The following NPAS2 variants were observed in gnomAD, a reference collection of about 807,000 sequenced individuals.
NPAS2 encodes neuronal PAS domain-containing protein 2.
A neutral mutation model predicts 107.5 loss-of-function variants in NPAS2; 23 were observed. That is an observed-to-expected ratio of 0.21 (90% CI 0.15 to 0.30). The LOEUF (loss-of-function observed/expected upper bound fraction) is 0.30, where lower values mean the gene tolerates loss of function less well. NPAS2 is among the 10% of genes least tolerant of loss of function. The pLI, the probability that NPAS2 is intolerant of heterozygous loss-of-function variation, is 1.00. For synonymous variants in NPAS2, 403 were observed against 417.5 expected (o/e 0.97, Z 0.42); for missense variants, 756 against 1,043.3 (o/e 0.72, Z 3.79).
At position 100,993,480 on chromosome 2, in the gene NPAS2, C is replaced by T; in HGVS notation, c.2245C>T (p.Leu749=). ...PSFPASQPSP[L]QPAQARQQPP... ...CTTCCCTGCCTCCCAACCATCGCCC[C>T]TGCAGCCTGCACAGGCCCGGCAGCA... is the stretch of plus-strand genomic sequence containing the variant. The change falls in exon 20 of 21, where the codon CTG becomes TTG. Residue 749 remains leucine (L), a synonymous_variant. Transcript: ENST00000335681. 1 of 1,607,862 alleles carries T rather than the reference C, an allele frequency of 6.2e-7. No individual in the cohort carries two copies. The highest frequency in any genetic ancestry group is 1.1e-5 in the South Asian group (1 of 90,576).
At chr2:100,982,156 G>T in intron 15 of NPAS2, 75 bp from the exon 16 acceptor site, 1 of 1,550,622 alleles carries the variant, frequency 6.4e-7, no homozygotes, top group Non-Finnish European at 8.8e-7. Flanking sequence ...TGTACAGACC[G>T]AGCAGCAGCA....
chr2:100,966,750 C>G (rs1428789793), intron 10 of NPAS2, among the ~76,000 whole-genome samples: 1 of 152,010 alleles, frequency 6.6e-6, no homozygotes, highest in Non-Finnish European at 1.5e-5. Context: ...TGTGTGCCAC[C>G]ACGCCCAGCT....
In NPAS2 at chr2:100,990,848, T is replaced by C; in HGVS notation, c.2087T>C (p.Val696Ala). Residue 696 changes from valine (V) to alanine (A), a missense_variant, in exon 19 of 21, where the codon GTC (valine) becomes GCC (alanine). Around this residue, in one of 4 missense-constraint regions of NPAS2, gnomAD observed 496 missense variants for 594.4 expected, o/e 0.83. Coordinates refer to ENST00000335681, the MANE Select transcript of NPAS2 (RefSeq NM_002518.4). Reference sequence around the variant, plus strand: ...TGTGACGCAAGGCAGCCCTCGGAAGTCAGCAGGACGGGACGGCAAGTCAAG... The same window carrying C: ...TGTGACGCAAGGCAGCCCTCGGAAGCCAGCAGGACGGGACGGCAAGTCAAG... The part of the protein sequence containing the change: ...GSCDARQPSE[V>A]SRTGRQVKYA... The C allele has an allele frequency of 1.2e-6, 2 of 1,614,038 alleles. No homozygotes were observed. The highest frequency in any genetic ancestry group is 1.7e-6 in the Non-Finnish European group (2 of 1,179,986).
chr2:100,826,152 T>C lies in NPAS2; in HGVS notation c.-23+5738T>C, dbSNP rs139149692. Among the ~76,000 whole-genome samples, 465 of 152,294 alleles carry C rather than the reference T, an allele frequency of 3.1e-3. 2 individuals carry two copies. The highest frequency in any genetic ancestry group is 0.017 in the Middle Eastern group (5 of 294). ...ATATACACACACATATGTACACTTT[T>C]AAAAACTAAGGCCGGGTGCACTGAC... On this transcript the variant is annotated intron_variant, in intron 1 of 20. Coordinates refer to ENST00000335681, the MANE Select transcript of NPAS2 (RefSeq NM_002518.4).
intron 3 of NPAS2, among the ~76,000 whole-genome samples, chr2:100,929,542 A>AG (rs894426990): frequency 1.1e-4 from 17 of 152,214 alleles, no homozygotes; most frequent in Non-Finnish European, 2.1e-4. Flanking sequence ...CATGATCTCT[A>AG]GGGGTGGGAC....
chr2:100,893,340 A>T (rs1225822155), intron 1 of NPAS2, among the ~76,000 whole-genome samples: 1 of 152,186 alleles, frequency 6.6e-6, no homozygotes, highest in African/African-American at 2.4e-5. Context: ...AATTGGGGAG[A>T]TGTGTGTGCT....
intron 4 of NPAS2, chr2:100,934,960 T>C: frequency 9.1e-6 from 9 of 985,386 alleles, no homozygotes; most frequent in Non-Finnish European, 1.1e-5. Flanking sequence ...ACCCATCATG[T>C]CCCTAGGGAA....
intron 1 of NPAS2, among the ~76,000 whole-genome samples, chr2:100,887,580 G>A (rs1680782520): frequency 6.6e-6 from 1 of 152,222 alleles, no homozygotes; most frequent in South Asian, 2.1e-4. Flanking sequence ...GCCTGTGCAA[G>A]TATCACAGCA....
intron 1 of NPAS2, among the ~76,000 whole-genome samples, chr2:100,885,188 G>A (rs944975300): frequency 2.0e-5 from 3 of 152,104 alleles, no homozygotes; most frequent in Non-Finnish European, 4.4e-5. Flanking sequence ...CTGACCTCAT[G>A]ATCCGCCTGC....
intron 6 of NPAS2, 129 bp from the exon 7 acceptor site, chr2:100,949,238 G>T: frequency 1.5e-6 from 1 of 668,898 alleles, no homozygotes. Context: ...AAAGTCAGTC[G>T]TAGTGAGAGA....
At chr2:100,987,244 TG>T (rs1411638920) in intron 16 of NPAS2, 2 of 152,260 alleles carry the variant, frequency 1.3e-5, no homozygotes, top group Non-Finnish European at 2.9e-5. Context: ...CGTAAACAAC[TG>T]TTTTAAATCA....
At chr2:100,936,967 G>A (rs1271202804) in intron 4 of NPAS2, among the ~76,000 whole-genome samples, 2 of 125,442 alleles carry the variant, frequency 1.6e-5, no homozygotes, top group Non-Finnish European at 3.2e-5. Flanking sequence ...GGGTGACAGT[G>A]AGACTCCATC....
intron 1 of NPAS2, among the ~76,000 whole-genome samples, chr2:100,834,116 G>A (rs184639715): frequency 4.3e-4 from 65 of 152,156 alleles, no homozygotes; most frequent in Non-Finnish European, 1.3e-4. Flanking sequence ...CAGACCAGCC[G>A]ACCCCTTCCT....
At chr2:100,860,328 C>T (rs1678859195) in intron 1 of NPAS2, among the ~76,000 whole-genome samples, 2 of 152,212 alleles carry the variant, frequency 1.3e-5, no homozygotes, top group African/African-American at 4.8e-5. Flanking sequence ...TGCAGTGTAT[C>T]AGACGACCAT....
chr2:100,995,152 G>A (rs1428179609), intron 20 of NPAS2: 5 of 457,402 alleles, frequency 1.1e-5, no homozygotes, highest in South Asian at 1.3e-4. Flanking sequence ...GGCCTCAGTC[G>A]ATTGGGCCAG....
At chr2:100,906,334 AGCTATGGATGGAGC>A (rs1284022636) in intron 2 of NPAS2, among the ~76,000 whole-genome samples, 1 of 152,166 alleles carries the variant, frequency 6.6e-6, no homozygotes, top group East Asian at 1.9e-4. Context: ...CCTCCAGCAT[AGCTATGGATGGAGC>A]GCTGGAGACA....
At chr2:100,879,644 G>A (rs955956963) in intron 1 of NPAS2, among the ~76,000 whole-genome samples, 4 of 152,084 alleles carry the variant, frequency 2.6e-5, no homozygotes, top group Admixed American at 1.3e-4. Context: ...CTCCAGGCCC[G>A]ACCATGTTGT....
intron 18 of NPAS2, 131 bp downstream of exon 18, chr2:100,990,577 A>T: frequency 9.1e-7 from 1 of 1,099,272 alleles, no homozygotes; most frequent in South Asian, 1.5e-5. Context: ...ATCTCAGCTA[A>T]GGAAGCAGAG....
chr2:100,951,649 T>C (rs1011338048), intron 7 of NPAS2, among the ~76,000 whole-genome samples: 28 of 151,672 alleles, frequency 1.8e-4, no homozygotes, highest in African/African-American at 5.3e-4. Flanking sequence ...AAACAGAAAG[T>C]AGAATGGTGA....
Sources: allele counts gnomAD v4.1 joint callset (sites outside exome capture counted in the v4.1 genomes callset), GRCh38; gene constraint gnomAD v4.1.1; regional missense constraint gnomAD v4.1.1; transcripts MANE v1.5; gene names NCBI Gene and HGNC (gene_info 2026-07-23, HGNC 2026-07-21).